The following NRXN1 variants were observed in gnomAD, a reference collection of about 807,000 sequenced individuals.
NRXN1 encodes neurexin-1.
A neutral mutation model predicts 150.9 loss-of-function variants in NRXN1; 39 were observed. The observed-to-expected ratio is 0.26, with a 90% CI of 0.20 to 0.34. The LOEUF (loss-of-function observed/expected upper bound fraction) is 0.34, where lower values mean the gene tolerates loss of function less well. NRXN1 is among the 10% of genes least tolerant of loss of function. The probability of loss-of-function intolerance (pLI) is 1.00; values close to 1 mark genes in which losing one functional copy is unlikely to be tolerated. For synonymous variants in NRXN1, 924 were observed against 757.0 expected, an observed-to-expected ratio of 1.22 and a Z score of -3.62; for missense variants, 1,815 against 1,949.9, an observed-to-expected ratio of 0.93 and a Z score of 1.30.
intron 19 of NRXN1, among the ~76,000 whole-genome samples, chr2:50,074,683 T>C (rs1403705826): frequency 6.6e-6 from 1 of 152,200 alleles, no homozygotes; most frequent in African/African-American, 2.4e-5. Context: ...AATTGGTCTC[T>C]TGAGCTCTAT....
intron 12 of NRXN1, among the ~76,000 whole-genome samples, chr2:50,521,552 A>G (rs1038984523): frequency 2.6e-5 from 4 of 152,318 alleles, no homozygotes; most frequent in African/African-American, 9.6e-5. Context: ...AAAGAAGTGG[A>G]TAAGAGTTCT....
intron 2 of NRXN1, among the ~76,000 whole-genome samples, chr2:50,993,694 C>T (rs1407685523): frequency 1.3e-5 from 2 of 151,832 alleles, no homozygotes; most frequent in Admixed American, 6.6e-5. Flanking sequence ...TTTTAGATTC[C>T]GTATAATAAA....
rs932295957 is a variant in NRXN1 at position 50,300,750 on chromosome 2, C to T, written c.3365-63780G>A. ...TTGCTCTGTCACCCAGGCTGGAGTGCAATGGCACTATCTTGGCTCACTGCA... is the reference window on the plus strand; with the variant it reads ...TTGCTCTGTCACCCAGGCTGGAGTGTAATGGCACTATCTTGGCTCACTGCA... On this transcript the variant is annotated intron_variant, in intron 17 of 22. Transcript: ENST00000401669. 2.6e-5 allele frequency among the ~76,000 whole-genome samples: 4 copies of T among 152,126 alleles called. No individual in the cohort carries two copies. The East Asian group carries it at 7.7e-4, about 29-fold the overall frequency.
At chr2:50,796,326 T>G (rs2105648933) in intron 5 of NRXN1, among the ~76,000 whole-genome samples, 1 of 152,310 alleles carries the variant, frequency 6.6e-6, no homozygotes, top group African/African-American at 2.4e-5. Flanking sequence ...TTCATCATAT[T>G]TGTTGGATCA....
intron 17 of NRXN1, among the ~76,000 whole-genome samples, chr2:50,282,834 AT>A (rs1469124837): frequency 2.6e-5 from 4 of 152,176 alleles, no homozygotes; most frequent in African/African-American, 9.7e-5. Flanking sequence ...ACAGATATCC[AT>A]GTGCTTTGAG....
chr2:50,700,068 C>G (rs1693517860), intron 5 of NRXN1, among the ~76,000 whole-genome samples: 1 of 152,068 alleles, frequency 6.6e-6, no homozygotes, highest in Admixed American at 6.6e-5. Flanking sequence ...AAAAATTGTT[C>G]CTTTAGTTGT....
intron 17 of NRXN1, among the ~76,000 whole-genome samples, chr2:50,428,560 G>C (rs1377334665): frequency 6.6e-6 from 1 of 152,172 alleles, no homozygotes; most frequent in African/African-American, 2.4e-5. Flanking sequence ...TCATAAGGTA[G>C]TTAGATATTC....
intron 5 of NRXN1, among the ~76,000 whole-genome samples, chr2:50,626,264 A>C (rs960089339): frequency 7.9e-5 from 12 of 151,904 alleles, no homozygotes; most frequent in African/African-American, 2.9e-4. Context: ...AATCTCAAAA[A>C]ATTTAAAAAA....
At position 50,884,892 on chromosome 2, in the gene NRXN1, G is replaced by A. The variant is rs774760975; in HGVS notation, c.832+36977C>T. On this transcript the variant is annotated intron_variant, in intron 5 of 22. Transcript: ENST00000401669. ...AGTAGCAATTGAAGGGGGAGGGAGC[G>A]AAAATTCTGTCCTATGTTCAGTGTC... Among the ~76,000 whole-genome samples, 11 of 151,276 alleles carry A rather than the reference G, an allele frequency of 7.3e-5. No individual in the cohort carries two copies. In the East Asian group the frequency reaches 7.8e-4, roughly 11 times the overall value.
rs73932983 is a variant in NRXN1 at position 50,196,150 on chromosome 2, G to A, written c.3546+40639C>T. Among the ~76,000 whole-genome samples the A allele has an allele frequency of 5.4e-3, 800 of 148,826 alleles. 9 individuals carry two copies. The highest frequency in any genetic ancestry group is 0.019 in the African/African-American group (771 of 41,366). On this transcript the variant is annotated intron_variant, in intron 18 of 22. Coordinates refer to ENST00000401669, the MANE Select transcript of NRXN1 (RefSeq NM_001330078.2). ...CCTGACCACCCCCACAGGTCTCAGG[G>A]TGTGTTGTTCCACTCCCTATGTCCA...
At chr2:50,965,839 G>A (rs1351016570) in intron 2 of NRXN1, among the ~76,000 whole-genome samples, 1 of 151,466 alleles carries the variant, frequency 6.6e-6, no homozygotes, top group Non-Finnish European at 1.5e-5. Context: ...AGTTAAAATT[G>A]ACCCTAGTGT....
chr2:50,936,522 T>C (rs1489319512), intron 2 of NRXN1, among the ~76,000 whole-genome samples: 3 of 152,192 alleles, frequency 2.0e-5, no homozygotes, highest in Non-Finnish European at 4.4e-5. Flanking sequence ...GGCTAATAGC[T>C]GCTAGTAAAT....
chr2:50,876,694 T>A (rs1678643310), intron 5 of NRXN1, among the ~76,000 whole-genome samples: 1 of 151,858 alleles, frequency 6.6e-6, no homozygotes, highest in Non-Finnish European at 1.5e-5. Context: ...TCACAGTAAC[T>A]AATATACATT....
At chr2:50,408,209 T>G (rs1426211102) in intron 17 of NRXN1, among the ~76,000 whole-genome samples, 1 of 152,222 alleles carries the variant, frequency 6.6e-6, no homozygotes, top group Non-Finnish European at 1.5e-5. Flanking sequence ...CAAGGGCTAC[T>G]GTGAAGAATG....
chr2:50,575,414 G>C (rs1211797122), intron 8 of NRXN1, among the ~76,000 whole-genome samples: 1 of 152,122 alleles, frequency 6.6e-6, no homozygotes, highest in East Asian at 1.9e-4. Flanking sequence ...CAGAAAACAT[G>C]AGAGCCAGGT....
intron 8 of NRXN1, among the ~76,000 whole-genome samples, chr2:50,559,259 A>T (rs765317592): frequency 7.2e-5 from 11 of 152,248 alleles, no homozygotes; most frequent in Non-Finnish European, 1.5e-4. Context: ...AGCGTCATCC[A>T]GTAAGTAGCA....
chr2:50,944,147 G>C (rs1457449036), intron 2 of NRXN1, among the ~76,000 whole-genome samples: 1 of 152,126 alleles, frequency 6.6e-6, no homozygotes, highest in Non-Finnish European at 1.5e-5. Flanking sequence ...GTATAATCTG[G>C]TACTATAAAA....
intron 5 of NRXN1, among the ~76,000 whole-genome samples, chr2:50,821,360 A>G (rs182858637): frequency 7.2e-5 from 11 of 152,248 alleles, no homozygotes; most frequent in African/African-American, 1.4e-4. Context: ...TCTTCTTCCA[A>G]TGTGGTGAAG....
intron 17 of NRXN1, among the ~76,000 whole-genome samples, chr2:50,245,466 G>GT: frequency 6.6e-6 from 1 of 152,054 alleles, no homozygotes; most frequent in Non-Finnish European, 1.5e-5. Flanking sequence ...TCTCTGGCAA[G>GT]TAACTCAGTA....
Sources: gnomAD v4.1 joint callset for allele counts (sites outside exome capture counted in the v4.1 genomes callset) on GRCh38, gnomAD v4.1.1 for gene constraint, MANE v1.5 for transcripts, NCBI Gene and HGNC (gene_info 2026-07-23, HGNC 2026-07-21) for gene names.